CPVL: variants seen among roughly 807,000 people sequenced by gnomAD.
CPVL encodes the protein probable serine carboxypeptidase CPVL.
CPVL carries 51 observed loss-of-function variants against 63.7 expected under a neutral mutation model. The ratio of observed to expected loss-of-function variants is 0.80; its 90% confidence interval spans 0.64 to 1.01. CPVL has a LOEUF of 1.01. Ranked by LOEUF, CPVL falls within the 50% of genes least tolerant of loss-of-function variation. The pLI is 0.00. For synonymous variants in CPVL, 195 were observed against 206.0 expected (o/e 0.95, Z 0.46); for missense variants, 530 against 573.1 (o/e 0.92, Z 0.77).
At chr7:29,054,703 C>CT (rs1355958319) in intron 11 of CPVL, among the ~76,000 whole-genome samples, 3 of 152,136 alleles carry the variant, frequency 2.0e-5, no homozygotes, top group Non-Finnish European at 4.4e-5. Flanking sequence ...TTAAAAATGG[C>CT]TTTTTTTCAT....
intron 11 of CPVL, among the ~76,000 whole-genome samples, chr7:29,059,482 C>T (rs1791061938): frequency 6.6e-6 from 1 of 152,068 alleles, no homozygotes; most frequent in African/African-American, 2.4e-5. Flanking sequence ...CAACAATACA[C>T]CAAAAAGATT....
intron 7 of CPVL, among the ~76,000 whole-genome samples, chr7:29,078,050 T>C (rs752493502): frequency 1.1e-4 from 17 of 152,132 alleles, no homozygotes; most frequent in Non-Finnish European, 2.4e-4. Context: ...TCGCTATAAC[T>C]TCCTAGACAT....
chr7:29,037,887 G>C (rs1788703987), intron 11 of CPVL, among the ~76,000 whole-genome samples: 1 of 152,130 alleles, frequency 6.6e-6, no homozygotes, highest in Admixed American at 6.6e-5. Context: ...TACTCACTCT[G>C]AGCTTTAATT....
exon 1 of CPVL, chr7:29,195,121 G>A: frequency 2.2e-6 from 2 of 929,784 alleles, no homozygotes; most frequent in Non-Finnish European, 3.1e-6. Flanking sequence ...GCAGGCGTCC[G>A]GGGTGATACT....
At chr7:29,048,467 G>A (rs996004687) in intron 11 of CPVL, among the ~76,000 whole-genome samples, 4 of 151,938 alleles carry the variant, frequency 2.6e-5, no homozygotes, top group African/African-American at 4.8e-5. Context: ...GACAAAGAAG[G>A]ACATTATATA....
intron 11 of CPVL, among the ~76,000 whole-genome samples, chr7:29,055,781 C>T (rs1057482363): frequency 3.9e-5 from 6 of 152,272 alleles, no homozygotes; most frequent in African/African-American, 1.4e-4. Context: ...CCCTTCTCTG[C>T]CTTTTGTTTT....
intron 5 of CPVL, among the ~76,000 whole-genome samples, chr7:29,152,016 C>T (rs1023025336): frequency 4.6e-5 from 7 of 152,124 alleles, no homozygotes; most frequent in African/African-American, 7.2e-5. Flanking sequence ...TTATTTTCTT[C>T]GAATGGAAAT....
chr7:29,187,290 G>A (rs543459878), intron 1 of CPVL, among the ~76,000 whole-genome samples: 1 of 152,178 alleles, frequency 6.6e-6, no homozygotes, highest in South Asian at 2.1e-4. Flanking sequence ...GGGACTGGGT[G>A]GGGAAATGTC....
chr7:29,075,603 C>T (rs1784166450), intron 7 of CPVL, among the ~76,000 whole-genome samples: 1 of 149,904 alleles, frequency 6.7e-6, no homozygotes, highest in Non-Finnish European at 1.5e-5. Context: ...GGTGGAACTA[C>T]ATCTTGGGTT....
At chr7:29,195,142 G>T (rs757904105) in exon 1 of CPVL, 10 of 726,384 alleles carry the variant, frequency 1.4e-5, no homozygotes, top group Non-Finnish European at 2.1e-5. Context: ...TGTTTGGTTC[G>T]CCAGCACCTC....
At chr7:29,114,054 G>C (rs1788526444) in intron 2 of CPVL, among the ~76,000 whole-genome samples, 1 of 152,272 alleles carries the variant, frequency 6.6e-6, no homozygotes, top group African/African-American at 2.4e-5. Context: ...GAGCCCTTAG[G>C]CTCTGGAAGG....
chr7:29,112,306 G>A (rs1584295137), intron 3 of CPVL, among the ~76,000 whole-genome samples: 1 of 152,126 alleles, frequency 6.6e-6, no homozygotes, highest in Admixed American at 6.6e-5. Context: ...AACATACTTA[G>A]CCACGCATTA....
At chr7:29,180,330 G>A (rs541639108) in intron 5 of CPVL, among the ~76,000 whole-genome samples, 10 of 152,172 alleles carry the variant, frequency 6.6e-5, no homozygotes, top group South Asian at 2.1e-4. Flanking sequence ...GATTGAGACC[G>A]TCCTGACTAA....
intron 5 of CPVL, among the ~76,000 whole-genome samples, chr7:29,177,261 T>A (rs1249303317): frequency 6.6e-6 from 1 of 151,908 alleles, no homozygotes; most frequent in East Asian, 1.9e-4. Context: ...TGTTTTGTTT[T>A]GTTTTGTTTT....
intron 11 of CPVL, among the ~76,000 whole-genome samples, chr7:29,047,589 C>T (rs1286457227): frequency 2.0e-5 from 3 of 152,088 alleles, no homozygotes; most frequent in Non-Finnish European, 2.9e-5. Context: ...AGAAAGTAGA[C>T]AAATCGAAAA....
intron 11 of CPVL, among the ~76,000 whole-genome samples, chr7:29,047,286 T>C (rs975891167): frequency 1.3e-5 from 2 of 152,038 alleles, no homozygotes; most frequent in Non-Finnish European, 2.9e-5. Flanking sequence ...TTAAATAAAG[T>C]CAAATGTATT....
intron 5 of CPVL, among the ~76,000 whole-genome samples, chr7:29,164,741 A>G (rs1490852898): frequency 7.0e-6 from 1 of 142,248 alleles, no homozygotes; most frequent in African/African-American, 2.7e-5. Context: ...AGATCTCACC[A>G]CTGCACTCCA....
At chr7:29,071,039 T>C (rs1371521641) in intron 9 of CPVL, among the ~76,000 whole-genome samples, 2 of 152,070 alleles carry the variant, frequency 1.3e-5, no homozygotes, top group East Asian at 1.9e-4. Flanking sequence ...GATGGCTGTA[T>C]AGTAAATACG....
intron 5 of CPVL, 65 bp from the exon 6 acceptor site, chr7:29,092,767 A>AG: frequency 8.8e-7 from 1 of 1,141,450 alleles, no homozygotes; most frequent in Non-Finnish European, 1.3e-6. Flanking sequence ...ACCTGCAGAG[A>AG]GGTCCCACAC....
Sources: allele counts gnomAD v4.1 joint callset (sites outside exome capture counted in the v4.1 genomes callset), GRCh38; gene constraint gnomAD v4.1.1; transcripts MANE v1.5; gene names NCBI Gene and HGNC (gene_info 2026-07-23, HGNC 2026-07-21).